The following SLC9B1 variants were observed in gnomAD, a reference collection of about 807,000 sequenced individuals.
SLC9B1 encodes the protein solute carrier family 9 member B1, also known as sodium/hydrogen exchanger 9B1.
SLC9B1 carries 32 observed loss-of-function variants against 51.7 expected under a neutral mutation model. The observed-to-expected ratio is 0.62, with a 90% CI of 0.47 to 0.83. The LOEUF (loss-of-function observed/expected upper bound fraction) is 0.83, where lower values mean the gene tolerates loss of function less well. SLC9B1 is among the 40% of genes least tolerant of loss of function. The pLI is 0.00. For synonymous variants in SLC9B1, 145 were observed against 212.7 expected, an observed-to-expected ratio of 0.68 and a Z score of 2.77; for missense variants, 406 against 613.2, an observed-to-expected ratio of 0.66 and a Z score of 3.57.
At chr4:102,982,820 T>A (rs1220031508) in intron 3 of SLC9B1, among the ~76,000 whole-genome samples, 2 of 152,158 alleles carry the variant, frequency 1.3e-5, no homozygotes, top group Non-Finnish European at 2.9e-5. Context: ...ACAATCATCT[T>A]ATCTGTAAAC....
intron 11 of SLC9B1, chr4:102,890,251 A>G (rs190765542): frequency 1.3e-5 from 2 of 152,358 alleles, no homozygotes; most frequent in East Asian, 3.9e-4. Flanking sequence ...TTTGTTAATA[A>G]GTAAGTTACA....
chr4:102,937,361 A>G (rs1736770082), intron 6 of SLC9B1, among the ~76,000 whole-genome samples: 1 of 144,436 alleles, frequency 6.9e-6, no homozygotes, highest in South Asian at 2.2e-4. Flanking sequence ...TCGGCCTCTC[A>G]AAGTGCTGGG....
At position 102,956,695 on chromosome 4, in the gene SLC9B1, T is replaced by C. The variant is rs567711673; in HGVS notation, c.212-7268A>G. Among the ~76,000 whole-genome samples the C allele has an allele frequency of 7.9e-5, 12 of 152,312 alleles. No homozygotes were observed. The East Asian group carries it at 2.1e-3, about 27-fold the overall frequency. On this transcript the variant is annotated intron_variant, in intron 3 of 11. Transcript: ENST00000296422. Reference sequence around the variant, plus strand: ...GCAGAAGGATTACACAGCACATGTATAGGCCAATTACCAAAACAATAACAA... The same window carrying C: ...GCAGAAGGATTACACAGCACATGTACAGGCCAATTACCAAAACAATAACAA...
chr4:102,950,587 C>T (rs969735538), intron 3 of SLC9B1, among the ~76,000 whole-genome samples: 4 of 152,144 alleles, frequency 2.6e-5, no homozygotes, highest in South Asian at 2.1e-4. Context: ...TAAAAGAGGA[C>T]GATTTTGACT....
chr4:102,902,963 T>C (rs1734856174), intron 11 of SLC9B1, among the ~76,000 whole-genome samples: 1 of 152,336 alleles, frequency 6.6e-6, no homozygotes, highest in South Asian at 2.1e-4. Flanking sequence ...AAAATTGAAA[T>C]TTAAATATTT....
intron 7 of SLC9B1, among the ~76,000 whole-genome samples, chr4:102,924,923 A>G (rs1284134290): frequency 3.9e-5 from 6 of 152,152 alleles, no homozygotes; most frequent in Admixed American, 6.6e-5. Context: ...TGGAGAGGTT[A>G]TGGAGAAATA....
intron 6 of SLC9B1, among the ~76,000 whole-genome samples, chr4:102,942,663 T>C (rs1415742258): frequency 1.3e-5 from 2 of 152,188 alleles, no homozygotes; most frequent in African/African-American, 4.8e-5. Flanking sequence ...TCTCACCTTA[T>C]ACAAAAATCA....
chr4:102,894,542 A>T (rs941071871), intron 11 of SLC9B1, among the ~76,000 whole-genome samples: 2 of 152,186 alleles, frequency 1.3e-5, no homozygotes, highest in Admixed American at 6.5e-5. Flanking sequence ...AAGCACCTTG[A>T]AATGCTAGTG....
intron 3 of SLC9B1, among the ~76,000 whole-genome samples, chr4:102,956,792 A>C (rs1737836092): frequency 1.3e-5 from 2 of 152,228 alleles, no homozygotes; most frequent in Non-Finnish European, 2.9e-5. Context: ...TTTAGTTTTC[A>C]ATTAAAAATT....
intron 6 of SLC9B1, among the ~76,000 whole-genome samples, chr4:102,944,614 C>G (rs1184570126): frequency 6.6e-6 from 1 of 152,140 alleles, no homozygotes; most frequent in Non-Finnish European, 1.5e-5. Context: ...AATGGATAAG[C>G]AGAGACAAAA....
At chr4:103,010,725 A>C (rs779873123) in intron 1 of SLC9B1, among the ~76,000 whole-genome samples, 2 of 152,148 alleles carry the variant, frequency 1.3e-5, no homozygotes, top group African/African-American at 2.4e-5. Context: ...CAGAAGGGCG[A>C]AAAGGGGCTA....
chr4:102,909,700 A>T (rs1309458854), intron 9 of SLC9B1, among the ~76,000 whole-genome samples: 1 of 152,306 alleles, frequency 6.6e-6, no homozygotes, highest in Non-Finnish European at 1.5e-5. Context: ...AATACTGGTT[A>T]CTTAAAAAAA....
At chr4:103,018,433 T>C (rs905288834) in intron 1 of SLC9B1, among the ~76,000 whole-genome samples, 3 of 152,192 alleles carry the variant, frequency 2.0e-5, no homozygotes, top group African/African-American at 7.2e-5. Flanking sequence ...CAGGGGACAA[T>C]ACCTATGAAT....
rs557126563 is a variant in SLC9B1, at chr4:102,917,123, C to A, written c.830-5586G>T. 2.7e-3 allele frequency among the ~76,000 whole-genome samples: 417 copies of A among 152,280 alleles called. 3 individuals carry two copies. Among genetic ancestry groups the A allele is most frequent in the African/African-American group, 9.7e-3 (405 of 41,550 alleles). On this transcript the variant is annotated intron_variant, in intron 7 of 11. Transcript: ENST00000296422. ...GCAGTATGCCTTTTTCTCCTCTTGCCCTTGCACATCAAACTCTAGGTTCTT... is the reference window on the plus strand; with the variant it reads ...GCAGTATGCCTTTTTCTCCTCTTGCACTTGCACATCAAACTCTAGGTTCTT...
rs560483272 is a variant in SLC9B1 at position 102,894,775 on chromosome 4, G to A, written c.1333-9447C>T. The stretch of plus-strand genomic sequence containing the variant: ...AGTTCAAAACCAGCTTGGGCAAATT[G>A]TGAAACGCTATCTCTAACCAAAACA... On this transcript the variant is annotated intron_variant, in intron 11 of 11. Transcript: ENST00000394789. 2.6e-5 allele frequency among the ~76,000 whole-genome samples: 4 copies of A among 152,162 alleles called. No homozygotes were observed. In the East Asian group the frequency reaches 7.7e-4, roughly 29 times the overall value.
At chr4:102,990,042 G>A in intron 2 of SLC9B1, 101 bp from the exon 3 acceptor site, 1 of 900,552 alleles carries the variant, frequency 1.1e-6, no homozygotes, top group Non-Finnish European at 1.6e-6. Flanking sequence ...TATTATTACT[G>A]TCAATGCGAG....
chr4:103,003,044 C>T (rs552581038), intron 1 of SLC9B1, among the ~76,000 whole-genome samples: 78 of 152,000 alleles, frequency 5.1e-4, no homozygotes, highest in Non-Finnish European at 7.5e-4. Context: ...TATCACCTTC[C>T]TCCCCTTCTA....
intron 3 of SLC9B1, among the ~76,000 whole-genome samples, chr4:102,952,743 G>GT: frequency 1.5e-5 from 1 of 67,118 alleles, no homozygotes; most frequent in South Asian, 5.7e-4. Context: ...TTCTTCATGT[G>GT]TTTTTTTGGC....
intron 7 of SLC9B1, among the ~76,000 whole-genome samples, chr4:102,918,205 G>A (rs1302846151): frequency 1.3e-5 from 2 of 151,328 alleles, no homozygotes; most frequent in East Asian, 3.8e-4. Context: ...ACTTCTTTTA[G>A]GAACAAAAGA....
Sources: allele counts gnomAD v4.1 joint callset (sites outside exome capture counted in the v4.1 genomes callset), GRCh38; gene constraint gnomAD v4.1.1; transcripts MANE v1.5; gene names NCBI Gene and HGNC (gene_info 2026-07-23, HGNC 2026-07-21).